CDH12: variants seen among roughly 807,000 people sequenced by gnomAD.
The protein encoded by CDH12 is cadherin 12.
Under a neutral mutation model 74.1 loss-of-function variants are expected in CDH12, and 41 were observed. The ratio of observed to expected loss-of-function variants is 0.55; its 90% CI spans 0.43 to 0.72. The LOEUF is 0.72. Among genes scored for constraint, CDH12 ranks in the 30% least tolerant of loss-of-function variants. The pLI is 0.00. For synonymous variants in CDH12, 399 were observed against 355.0 expected (o/e 1.12, Z -1.39); for missense variants, 945 against 977.2 (o/e 0.97, Z 0.44).
intron 8 of CDH12, among the ~76,000 whole-genome samples, chr5:21,831,067 C>CA (rs11431054): frequency 0.33 from 48,831 of 149,814 alleles, 10,559 homozygotes; most frequent in African/African-American, 0.62. Context: ...CAAAAACAAA[C>CA]AAAAAAAAAC....
At chr5:22,419,286 T>C (rs1355227914) in intron 2 of CDH12, among the ~76,000 whole-genome samples, 1 of 152,150 alleles carries the variant, frequency 6.6e-6, no homozygotes, top group African/African-American at 2.4e-5. Flanking sequence ...ATTAGCTATT[T>C]GTCTTGATGA....
intron 2 of CDH12, among the ~76,000 whole-genome samples, chr5:22,474,679 T>C (rs1201969033): frequency 6.6e-6 from 1 of 152,114 alleles, no homozygotes; most frequent in African/African-American, 2.4e-5. Context: ...AAAACTAAGA[T>C]GATGCATAAT....
chr5:22,824,238 T>A (rs1749883661), intron 1 of CDH12, among the ~76,000 whole-genome samples: 1 of 152,128 alleles, frequency 6.6e-6, no homozygotes, highest in East Asian at 1.9e-4. Context: ...ACAAAGATAT[T>A]TTCAAGCACA....
At chr5:22,844,055 T>C (rs1228544521) in intron 1 of CDH12, among the ~76,000 whole-genome samples, 2 of 152,032 alleles carry the variant, frequency 1.3e-5, no homozygotes, top group Non-Finnish European at 2.9e-5. Context: ...CCATGGTTTT[T>C]CCATCCTTCA....
chr5:22,501,420 T>C (rs74727840), intron 2 of CDH12, among the ~76,000 whole-genome samples: 2,762 of 152,288 alleles, frequency 0.018, 85 homozygotes, highest in African/African-American at 0.063. Flanking sequence ...GAAGCAATCA[T>C]GAGTAATTGG....
chr5:22,760,641 T>C (rs540605485), intron 1 of CDH12, among the ~76,000 whole-genome samples: 1 of 133,322 alleles, frequency 7.5e-6, no homozygotes, highest in East Asian at 2.2e-4. Flanking sequence ...ATCATGTCAT[T>C]GCACTCCAGC....
intron 3 of CDH12, among the ~76,000 whole-genome samples, chr5:22,304,797 T>C (rs2968254): frequency 0.55 from 84,098 of 151,984 alleles, 23,848 homozygotes; most frequent in Non-Finnish European, 0.62. Context: ...AACAAAGATA[T>C]CATAACCAGG....
chr5:22,367,100 T>C (rs1741068674), intron 3 of CDH12, among the ~76,000 whole-genome samples: 1 of 152,194 alleles, frequency 6.6e-6, no homozygotes, highest in East Asian at 1.9e-4. Flanking sequence ...ATTAAGTTCT[T>C]TTGGTTACTT....
intron 10 of CDH12, among the ~76,000 whole-genome samples, chr5:21,796,016 T>C (rs1746759960): frequency 1.3e-5 from 2 of 152,090 alleles, no homozygotes; most frequent in African/African-American, 4.8e-5. Context: ...AATTTAACAT[T>C]GTATTCTACT....
intron 1 of CDH12, among the ~76,000 whole-genome samples, chr5:22,838,217 A>C (rs1397836482): frequency 6.6e-6 from 1 of 152,126 alleles, no homozygotes; most frequent in Non-Finnish European, 1.5e-5. Context: ...AGACCCGTAG[A>C]AGTAGTTGTT....
rs190649810 is a variant in CDH12, at chr5:21,872,465, G to T, written c.527-17675C>A. Among the ~76,000 whole-genome samples, 481 of 152,206 alleles carry T rather than the reference G, an allele frequency of 3.2e-3. 3 individuals carry two copies. Among genetic ancestry groups the T allele is most frequent in the Non-Finnish European group, 5.4e-3 (369 of 68,008 alleles). ...GACACACATTGAACTCCAACTTATG[G>T]TGTTGCCTTCTTTATACCTAATGTC... On this transcript the variant is annotated intron_variant, in intron 6 of 14. Coordinates refer to ENST00000382254, the MANE Select transcript of CDH12 (RefSeq NM_004061.5).
chr5:22,283,968 T>C (rs1737027940), intron 3 of CDH12, among the ~76,000 whole-genome samples: 1 of 152,152 alleles, frequency 6.6e-6, no homozygotes, highest in Admixed American at 6.6e-5. Flanking sequence ...TTTACAGACA[T>C]TTCAATATCC....
intron 1 of CDH12, among the ~76,000 whole-genome samples, chr5:22,518,194 G>T (rs1736889317): frequency 6.6e-6 from 1 of 152,182 alleles, no homozygotes; most frequent in African/African-American, 2.4e-5. Flanking sequence ...TAATGTGTTT[G>T]TTTCTTACTC....
chr5:22,804,915 CTG>C (rs955042885), intron 1 of CDH12, among the ~76,000 whole-genome samples: 53 of 152,082 alleles, frequency 3.5e-4, no homozygotes, highest in Admixed American at 3.1e-3. Context: ...AGCAAAGTAA[CTG>C]TGGTTTTTAT....
In CDH12 at chr5:22,776,152, T is replaced by C. The variant is rs910196637; in HGVS notation, c.-523+76906A>G. Among the ~76,000 whole-genome samples, 4 of 152,278 alleles carry C rather than the reference T, an allele frequency of 2.6e-5. No homozygotes were observed. In the South Asian group the frequency reaches 8.3e-4, roughly 32 times the overall value. On this transcript the variant is annotated intron_variant, in intron 1 of 14. Transcript: ENST00000382254. ...ACTTACACTGCATGTTCAGGAACGG[T>C]CAGCATGTACATGGAGTGAGGATAT...
At chr5:21,769,773 G>A (rs762671466) in intron 11 of CDH12, among the ~76,000 whole-genome samples, 2 of 152,084 alleles carry the variant, frequency 1.3e-5, no homozygotes, top group Non-Finnish European at 2.9e-5. Flanking sequence ...GGTTTCGTTA[G>A]GACTAAAGAT....
At chr5:22,085,283 A>G (rs1055025158) in intron 4 of CDH12, among the ~76,000 whole-genome samples, 1 of 152,062 alleles carries the variant, frequency 6.6e-6, no homozygotes, top group Non-Finnish European at 1.5e-5. Context: ...AAAGATATAC[A>G]AAGGCTGTGG....
chr5:21,921,483 G>A (rs1381097664), intron 6 of CDH12, among the ~76,000 whole-genome samples: 2 of 152,062 alleles, frequency 1.3e-5, no homozygotes, highest in African/African-American at 4.8e-5. Flanking sequence ...ACTGATGGTT[G>A]CTCTATTCTT....
rs564169050 is a variant in CDH12 at position 22,021,619 on chromosome 5, T to A, written c.232-46234A>T. ...CAACCATTTTGCTATTCACTTTCAG[T>A]ATAGTACTTGATAAAATATGTGAGA... On this transcript the variant is annotated intron_variant, in intron 5 of 14. Transcript: ENST00000382254. Among the ~76,000 whole-genome samples the A allele has an allele frequency of 8.5e-5, 13 of 152,358 alleles. No individual in the cohort carries two copies. The South Asian group carries it at 2.7e-3, about 32-fold the overall frequency.
Sources: allele counts gnomAD v4.1 joint callset (sites outside exome capture counted in the v4.1 genomes callset), GRCh38; gene constraint gnomAD v4.1.1; transcripts MANE v1.5; gene names NCBI Gene and HGNC (gene_info 2026-07-23, HGNC 2026-07-21).